Variants in RHOBTB3 observed in about 807,000 individuals in gnomAD.
RHOBTB3 encodes Rho related BTB domain containing 3.
Under a neutral mutation model 67.2 loss-of-function variants are expected in RHOBTB3, and 47 were observed. The observed-to-expected ratio is 0.70, with a 90% CI of 0.55 to 0.89. The LOEUF (loss-of-function observed/expected upper bound fraction) is 0.89. Ranked by LOEUF, RHOBTB3 falls within the 40% of genes least tolerant of loss-of-function variation. The pLI, the probability that RHOBTB3 is intolerant of heterozygous loss-of-function variation, is 0.00. For synonymous variants in RHOBTB3, 273 were observed against 274.2 expected (o/e 1.00, Z 0.04); for missense variants, 631 against 750.0 (o/e 0.84, Z 1.85).
intron 11 of RHOBTB3, among the ~76,000 whole-genome samples, chr5:95,792,464 T>C (rs866398538): frequency 1.4e-5 from 2 of 145,430 alleles, no homozygotes; most frequent in Non-Finnish European, 1.5e-5. Context: ...AAAAAATAAG[T>C]CCGTTATATC....
At chr5:95,766,089 A>G (rs2112811981) in intron 7 of RHOBTB3, among the ~76,000 whole-genome samples, 1 of 152,072 alleles carries the variant, frequency 6.6e-6, no homozygotes, top group Non-Finnish European at 1.5e-5. Flanking sequence ...TAGGACCAGG[A>G]TTTGTATGAT....
In RHOBTB3 at chr5:95,793,858, C is replaced by A; in HGVS notation, c.*684C>A. ...GCACAGGGCCCACACTTAGAAGGAC[C>A]CCACACTTGGTTCAAGGCTCTGCTA... On this transcript the variant is annotated 3_prime_UTR_variant, in exon 12 of 12. Transcript: ENST00000379982. The A allele has an allele frequency of 2.6e-6, 1 of 384,722 alleles. No homozygotes were observed. Among genetic ancestry groups the A allele is most frequent in the Non-Finnish European group, 5.1e-6 (1 of 195,286 alleles). 23.8% of individuals were successfully genotyped at this position (384,722 alleles called of 1,614,324 possible).
upstream of RHOBTB3, among the ~76,000 whole-genome samples, chr5:95,730,402 G>A (rs1031763718): frequency 6.6e-6 from 1 of 152,166 alleles, no homozygotes; most frequent in South Asian, 2.1e-4. Context: ...GTAATCCCTG[G>A]CCCATTTTGG....
At chr5:95,748,774 C>T (rs1745003431) in intron 4 of RHOBTB3, among the ~76,000 whole-genome samples, 1 of 152,190 alleles carries the variant, frequency 6.6e-6, no homozygotes. Flanking sequence ...TTAACCAAAC[C>T]TGTGATGCCA....
chr5:95,768,945 C>T (rs922778329), intron 8 of RHOBTB3: 3 of 178,626 alleles, frequency 1.7e-5, no homozygotes, highest in African/African-American at 7.2e-5. Context: ...CATTCTGTCC[C>T]TCACTGGCCG....
intron 11 of RHOBTB3, among the ~76,000 whole-genome samples, chr5:95,789,984 T>C (rs1380797343): frequency 6.6e-6 from 1 of 152,138 alleles, no homozygotes; most frequent in Non-Finnish European, 1.5e-5. Context: ...GAGACTTCTG[T>C]CTCTAAAAGA....
At chr5:95,739,889 T>C (rs1361842753) in intron 3 of RHOBTB3, among the ~76,000 whole-genome samples, 1 of 152,168 alleles carries the variant, frequency 6.6e-6, no homozygotes, top group African/African-American at 2.4e-5. Context: ...TTTTCTTATG[T>C]TTTTTGGGTG....
chr5:95,731,599 G>A lies in RHOBTB3; in HGVS notation c.-84G>A. On this transcript the variant is annotated 5_prime_UTR_variant, in exon 1 of 12. Transcript: ENST00000379982. ...CGCGGCCGGGGATGAGCGGATTGCGGGTGAACTCGCCGCCCGGGGGCCCCG... is the reference window on the plus strand; with the variant it reads ...CGCGGCCGGGGATGAGCGGATTGCGAGTGAACTCGCCGCCCGGGGGCCCCG... 1 of 1,589,946 alleles carries A rather than the reference G, an allele frequency of 6.3e-7. No individual in the cohort carries two copies. The highest frequency in any genetic ancestry group is 8.6e-7 in the Non-Finnish European group (1 of 1,168,746).
At chr5:95,720,430 T>C (rs1754835657) in intron 1 of RHOBTB3, among the ~76,000 whole-genome samples, 2 of 152,238 alleles carry the variant, frequency 1.3e-5, no homozygotes, top group Admixed American at 1.3e-4. Flanking sequence ...GAATTTATAT[T>C]AGATCATAGT....
intron 3 of RHOBTB3, among the ~76,000 whole-genome samples, chr5:95,741,502 CTTTTTTTTTTCTTTCTTTCTGTTTTTTT>C (rs1452163031): frequency 8.0e-6 from 1 of 125,206 alleles, no homozygotes; most frequent in East Asian, 2.3e-4. Context: ...TCTCAATTCT[CTTTTTTTTTTCTTTCTTTCTGTTTTTTT>C]TTTTTTTTTT....
At chr5:95,775,433 T>C (rs1404149578) in intron 8 of RHOBTB3, among the ~76,000 whole-genome samples, 2 of 149,064 alleles carry the variant, frequency 1.3e-5, no homozygotes, top group Non-Finnish European at 1.5e-5. Flanking sequence ...CACATATATA[T>C]ACTATTAAAC....
intron 3 of RHOBTB3, among the ~76,000 whole-genome samples, chr5:95,745,531 A>G (rs1235572667): frequency 1.3e-5 from 2 of 152,160 alleles, no homozygotes; most frequent in South Asian, 4.2e-4. Flanking sequence ...TTTGAAAAGA[A>G]TTTCTAAAAC....
chr5:95,734,213 C>T (rs1056492368), intron 2 of RHOBTB3, among the ~76,000 whole-genome samples: 1 of 152,196 alleles, frequency 6.6e-6, no homozygotes, highest in East Asian at 1.9e-4. Context: ...TACCAGTACA[C>T]TGGGGCAGCG....
At chr5:95,750,350 C>T (rs1248741987) in intron 4 of RHOBTB3, among the ~76,000 whole-genome samples, 2 of 152,186 alleles carry the variant, frequency 1.3e-5, no homozygotes, top group Non-Finnish European at 2.9e-5. Flanking sequence ...GTTGTGCCCA[C>T]CTGGAGCTGG....
intron 8 of RHOBTB3, chr5:95,779,961 T>C (rs1377216915): frequency 2.7e-6 from 1 of 367,486 alleles, no homozygotes; most frequent in Non-Finnish European, 4.9e-6. Context: ...TATAAAAATA[T>C]GAAGCAAAAT....
At chr5:95,766,465 A>G (rs1384454272) in intron 7 of RHOBTB3, among the ~76,000 whole-genome samples, 1 of 152,108 alleles carries the variant, frequency 6.6e-6, no homozygotes, top group Non-Finnish European at 1.5e-5. Context: ...AACAACATAG[A>G]CTTTAGGCAA....
In RHOBTB3 at chr5:95,795,384, A is replaced by G. The variant is rs1386462113; in HGVS notation, c.*2210A>G. ...TAATAGCCTTTTGTTTTTCATGAGCATATTCGCACCCCTATATGAATTACA... is the reference window on the plus strand; with the variant it reads ...TAATAGCCTTTTGTTTTTCATGAGCGTATTCGCACCCCTATATGAATTACA... On this transcript the variant is annotated 3_prime_UTR_variant, in exon 12 of 12. Transcript: ENST00000379982. 2.0e-5 allele frequency: 3 copies of G among 152,220 alleles called. No homozygotes were observed. Among genetic ancestry groups the G allele is most frequent in the Non-Finnish European group, 2.9e-5 (2 of 68,036 alleles). The allele number at this position is 152,220 out of a possible 1,614,324, so 9.4% of individuals were successfully genotyped here.
intron 2 of RHOBTB3, among the ~76,000 whole-genome samples, chr5:95,734,886 C>T (rs1322022509): frequency 6.6e-6 from 1 of 152,144 alleles, no homozygotes; most frequent in Non-Finnish European, 1.5e-5. Flanking sequence ...TAAAGGTCCT[C>T]CCCTTCCCCG....
intron 3 of RHOBTB3, among the ~76,000 whole-genome samples, chr5:95,738,737 G>A (rs1181091182): frequency 4.6e-5 from 7 of 151,656 alleles, no homozygotes; most frequent in Non-Finnish European, 8.8e-5. Context: ...TACCCAGTCT[G>A]TGGTGTTCCA....
Sources: gnomAD v4.1 joint callset for allele counts (sites outside exome capture counted in the v4.1 genomes callset) on GRCh38, gnomAD v4.1.1 for gene constraint, MANE v1.5 for transcripts, NCBI Gene and HGNC (gene_info 2026-07-23, HGNC 2026-07-21) for gene names.